The following TXNDC11 variants were observed in gnomAD, a reference collection of about 807,000 sequenced individuals.
TXNDC11 encodes the protein thioredoxin domain containing 11, also known as thioredoxin domain-containing protein 11.
In TXNDC11, 68 loss-of-function variants were observed where a neutral mutation model predicts 78.0. The ratio of observed to expected loss-of-function variants is 0.87; its 90% CI spans 0.72 to 1.07. The LOEUF is 1.07. TXNDC11 is among the 50% of genes least tolerant of loss of function. TXNDC11 has a pLI of 0.00. For synonymous variants in TXNDC11, 571 were observed against 495.2 expected (o/e 1.15, Z -2.03); for missense variants, 1,389 against 1,221.8 (o/e 1.14, Z -2.04).
intron 5 of TXNDC11, among the ~76,000 whole-genome samples, chr16:11,714,633 C>G (rs1226996469): frequency 6.6e-6 from 1 of 150,652 alleles, no homozygotes; most frequent in African/African-American, 2.4e-5. Flanking sequence ...AAGCAAGACT[C>G]CGTCTCAAAA....
chr16:11,690,148 TTTCTCCA>T (rs1297246245), intron 8 of TXNDC11: 3 of 152,228 alleles, frequency 2.0e-5, no homozygotes, highest in African/African-American at 7.2e-5. Flanking sequence ...AAATTCCTCC[TTTCTCCA>T]TTCGGCATAC....
In TXNDC11 at chr16:11,705,035, T is replaced by C. The variant is rs144086207; in HGVS notation, c.794-4471A>G. ...TCAGCCTCCCGAGTAGCTGGGATTA[T>C]AGGCATGCACCCCCATGTCCAGCTA... On this transcript the variant is annotated intron_variant, in intron 5 of 11. Transcript: ENST00000283033. 2.1e-3 allele frequency among the ~76,000 whole-genome samples: 312 copies of C among 152,104 alleles called. 3 individuals carry two copies. Among genetic ancestry groups the C allele is most frequent in the African/African-American group, 6.9e-3 (288 of 41,476 alleles).
intron 7 of TXNDC11, among the ~76,000 whole-genome samples, chr16:11,692,541 G>C (rs1195631082): frequency 6.6e-6 from 1 of 152,102 alleles, no homozygotes; most frequent in East Asian, 1.9e-4. Context: ...AAAAAAAAGA[G>C]GTAAGGATGT....
At chr16:11,721,694 G>A in intron 4 of TXNDC11, 24 bp from the exon 5 acceptor site, 45 of 1,429,758 alleles carry the variant, frequency 3.1e-5, no homozygotes, top group Non-Finnish European at 4.4e-5. Context: ...AGCAGAATTA[G>A]GTAACTGAGG....
At chr16:11,704,902 C>T (rs4584833) in intron 5 of TXNDC11, among the ~76,000 whole-genome samples, 84,372 of 151,338 alleles carry the variant, frequency 0.56, 23,922 homozygotes, top group Middle Eastern at 0.66. Context: ...CCAATGTTAA[C>T]TTCTTTTTCT....
At chr16:11,690,016 G>A (rs909297942) in intron 8 of TXNDC11, 1 of 152,220 alleles carries the variant, frequency 6.6e-6, no homozygotes, top group Admixed American at 6.5e-5. Flanking sequence ...TGTGTCTAAT[G>A]TAAGAAACAA....
At chr16:11,704,105 T>C (rs982619139) in intron 5 of TXNDC11, among the ~76,000 whole-genome samples, 14 of 151,836 alleles carry the variant, frequency 9.2e-5, no homozygotes, top group African/African-American at 3.1e-4. Flanking sequence ...AAAAAATAAA[T>C]GAAGTAAAGA....
intron 10 of TXNDC11, 30 bp downstream of exon 10, chr16:11,687,827 C>G: frequency 2.7e-6 from 4 of 1,483,584 alleles, no homozygotes; most frequent in Non-Finnish European, 9.4e-7. Flanking sequence ...GGGCATACAG[C>G]CCAAAGCGCT....
rs1209228769 is a variant in TXNDC11, at chr16:11,742,792, C to G, written c.-62G>C. Reference sequence around the variant, plus strand: ...CCGCCTCGGGCCCGAAGGCCCGGCCCGGCCCGTTGCTCCCCAATCCCGCAG... The same window carrying G: ...CCGCCTCGGGCCCGAAGGCCCGGCCGGGCCCGTTGCTCCCCAATCCCGCAG... On this transcript the variant is annotated 5_prime_UTR_variant, in exon 1 of 12. Transcript: ENST00000283033. 7.2e-7 allele frequency: 1 copy of G among 1,394,710 alleles called. No individual in the cohort carries two copies. 86.4% of individuals were successfully genotyped at this position (1,394,710 alleles called of 1,614,324 possible).
At chr16:11,703,763 A>G (rs1311908303) in intron 5 of TXNDC11, 1 of 700,826 alleles carries the variant, frequency 1.4e-6, no homozygotes, top group Non-Finnish European at 2.6e-6. Context: ...GGGGTGAAGA[A>G]AGTACAAGAT....
intron 1 of TXNDC11, among the ~76,000 whole-genome samples, chr16:11,737,505 T>C (rs922196334): frequency 8.1e-5 from 12 of 148,370 alleles, no homozygotes; most frequent in Non-Finnish European, 1.5e-4. Context: ...AGCCAGACGG[T>C]ACAAATGGAA....
intron 10 of TXNDC11, among the ~76,000 whole-genome samples, chr16:11,684,563 T>C (rs2050514972): frequency 6.6e-6 from 1 of 152,142 alleles, no homozygotes; most frequent in South Asian, 2.1e-4. Flanking sequence ...AGTATTTTAA[T>C]CCCTGAATAG....
Position 11,721,587 on chromosome 16 carries a change from T to A in TXNDC11, c.783A>T (p.Ser261=). The change falls in exon 5 of 12, where the codon TCA becomes TCT. Residue 261 remains serine (S), a synonymous_variant. Coordinates refer to ENST00000283033, the MANE Select transcript of TXNDC11 (RefSeq NM_015914.7). ...TGAATCATTTTTTACCTTTCTTTAATGAATGTAATGCTGAGGTGAAGAAGG... is the reference window on the plus strand; with the variant it reads ...TGAATCATTTTTTACCTTTCTTTAAAGAATGTAATGCTGAGGTGAAGAAGG... ...YLTFFTSALH[S]LKKDYLGTVR... 1.9e-6 allele frequency: 3 copies of A among 1,602,882 alleles called. No homozygotes were observed. The highest frequency in any genetic ancestry group is 8.5e-7 in the Non-Finnish European group (1 of 1,171,124).
intron 4 of TXNDC11, among the ~76,000 whole-genome samples, chr16:11,725,944 T>C (rs971843763): frequency 1.3e-5 from 2 of 152,266 alleles, no homozygotes; most frequent in African/African-American, 2.4e-5. Flanking sequence ...GGTGCCATCA[T>C]AGCTCACTGT....
At chr16:11,687,645 T>A (rs796979053) in intron 10 of TXNDC11, among the ~76,000 whole-genome samples, 1 of 152,140 alleles carries the variant, frequency 6.6e-6, no homozygotes, top group Non-Finnish European at 1.5e-5. Flanking sequence ...GGGCTAAACA[T>A]CAACATCATG....
chr16:11,682,457 CA>C (rs914848751), intron 11 of TXNDC11, among the ~76,000 whole-genome samples: 2 of 152,242 alleles, frequency 1.3e-5, no homozygotes, highest in Non-Finnish European at 2.9e-5. Context: ...CCACACCAGG[CA>C]GCCTAAGAAC....
At chr16:11,738,980 T>G (rs1044445420) in intron 1 of TXNDC11, among the ~76,000 whole-genome samples, 4 of 151,420 alleles carry the variant, frequency 2.6e-5, no homozygotes, top group African/African-American at 9.7e-5. Context: ...TGAGCCAAGA[T>G]CACGCCATTG....
chr16:11,734,416 A>T (rs575729801), intron 2 of TXNDC11, among the ~76,000 whole-genome samples: 2 of 151,942 alleles, frequency 1.3e-5, no homozygotes, highest in South Asian at 4.2e-4. Context: ...AGGAGCTGAA[A>T]TTTTTTTTTT....
chr16:11,740,838 G>GT (rs1397321194), intron 1 of TXNDC11, among the ~76,000 whole-genome samples: 5 of 152,218 alleles, frequency 3.3e-5, no homozygotes, highest in East Asian at 1.9e-4. Context: ...AATGGGGATT[G>GT]TAAGATTTAA....
Sources: allele counts gnomAD v4.1 joint callset (sites outside exome capture counted in the v4.1 genomes callset), GRCh38; gene constraint gnomAD v4.1.1; transcripts MANE v1.5; gene names NCBI Gene and HGNC (gene_info 2026-07-23, HGNC 2026-07-21).